The following SDK1 variants were observed in gnomAD, a reference collection of about 807,000 sequenced individuals.
SDK1 encodes sidekick cell adhesion molecule 1.
A neutral mutation model predicts 245.5 loss-of-function variants in SDK1; 157 were observed. That is an observed-to-expected ratio of 0.64 (90% CI 0.56 to 0.73). SDK1 has a LOEUF of 0.73. Among genes scored for constraint, SDK1 ranks in the 30% least tolerant of loss-of-function variants. The pLI is 0.00. For synonymous variants in SDK1, 1,647 were observed against 1,278.5 expected, an observed-to-expected ratio of 1.29 and a Z score of -6.15; for missense variants, 3,583 against 3,002.3, an observed-to-expected ratio of 1.19 and a Z score of -4.52.
intron 1 of SDK1, among the ~76,000 whole-genome samples, chr7:3,349,768 T>C (rs956413551): frequency 1.7e-5 from 1 of 58,042 alleles, no homozygotes; most frequent in African/African-American, 8.2e-5. Flanking sequence ...CCTGGTTAAT[T>C]TTTTTTTGTA....
At chr7:3,428,157 C>T (rs776215119) in intron 1 of SDK1, among the ~76,000 whole-genome samples, 3 of 152,176 alleles carry the variant, frequency 2.0e-5, no homozygotes, top group African/African-American at 7.2e-5. Flanking sequence ...CAATCACTGA[C>T]AGGCTTTGAA....
chr7:3,922,659 A>G (rs1477118634), intron 5 of SDK1, among the ~76,000 whole-genome samples: 1 of 152,142 alleles, frequency 6.6e-6, no homozygotes, highest in Non-Finnish European at 1.5e-5. Flanking sequence ...TTAGATTGAT[A>G]TGTTGTTTTA....
chr7:3,716,982 T>C (rs1332655269), intron 4 of SDK1, among the ~76,000 whole-genome samples: 2 of 152,108 alleles, frequency 1.3e-5, no homozygotes, highest in Non-Finnish European at 2.9e-5. Context: ...AAATTATATT[T>C]GAAGTTTGAA....
intron 5 of SDK1, among the ~76,000 whole-genome samples, chr7:3,892,748 C>T (rs1244533542): frequency 6.6e-6 from 1 of 152,210 alleles, no homozygotes; most frequent in East Asian, 1.9e-4. Context: ...TCCAGGTGGA[C>T]ATCCAGCTAT....
In SDK1 at chr7:4,101,895, A is replaced by G. The variant is rs540977257; in HGVS notation, c.3325-8768A>G. 5.3e-5 allele frequency among the ~76,000 whole-genome samples: 8 copies of G among 152,210 alleles called. No homozygotes were observed. In the East Asian group the frequency reaches 1.4e-3, roughly 26 times the overall value. On this transcript the variant is annotated intron_variant, in intron 22 of 44. Transcript: ENST00000404826. ...GGGTCAGAGAAAGGGCCAGATGGGG[A>G]GTGGAGGGAGATCGAGAGAGCCAGC...
At chr7:4,086,848 G>A (rs1037128808) in intron 22 of SDK1, among the ~76,000 whole-genome samples, 1 of 152,128 alleles carries the variant, frequency 6.6e-6, no homozygotes, top group Non-Finnish European at 1.5e-5. Context: ...CTAGTTTTCA[G>A]CCTTTTGCAT....
At chr7:3,586,618 T>C (rs1487501698) in intron 1 of SDK1, among the ~76,000 whole-genome samples, 3 of 144,604 alleles carry the variant, frequency 2.1e-5, no homozygotes, top group Non-Finnish European at 4.5e-5. Flanking sequence ...GGCAGGAGAA[T>C]GGCATGAACC....
At chr7:3,328,719 A>T (rs972407030) in intron 1 of SDK1, among the ~76,000 whole-genome samples, 1 of 152,050 alleles carries the variant, frequency 6.6e-6, no homozygotes, top group African/African-American at 2.4e-5. Context: ...TCTTTTACTT[A>T]TGTGCCTTAG....
In SDK1 at chr7:3,584,630, T is replaced by C. The variant is rs745495487; in HGVS notation, c.299-34450T>C. ...GGTATGCTGGCTTCTGAGAGAACTTTCCAGAGAAGTCGCACGTGCTTGGGC... is the reference window on the plus strand; with the variant it reads ...GGTATGCTGGCTTCTGAGAGAACTTCCCAGAGAAGTCGCACGTGCTTGGGC... On this transcript the variant is annotated intron_variant, in intron 1 of 44. Transcript: ENST00000404826. 4.6e-5 allele frequency among the ~76,000 whole-genome samples: 7 copies of C among 152,132 alleles called. No individual in the cohort carries two copies. In the South Asian group the frequency reaches 8.3e-4, roughly 18 times the overall value.
intron 1 of SDK1, among the ~76,000 whole-genome samples, chr7:3,557,895 A>G (rs1398614554): frequency 1.3e-5 from 2 of 152,216 alleles, no homozygotes; most frequent in Non-Finnish European, 2.9e-5. Context: ...GTAGTTTTAC[A>G]TGATCACATG....
rs1053651885 is a variant in SDK1 at position 3,316,904 on chromosome 7, G to A, written c.298+15020G>A. Among the ~76,000 whole-genome samples the A allele has an allele frequency of 7.8e-4, 119 of 152,204 alleles. 2 individuals carry two copies. Among genetic ancestry groups the A allele is most frequent in the African/African-American group, 2.8e-3 (115 of 41,522 alleles). On this transcript the variant is annotated intron_variant, in intron 1 of 44. Transcript: ENST00000404826. ...TTTTAAAAAGGGTCTGGGGGTCTGG[G>A]TACTGTGGCTCATGCCTATAATTTT...
chr7:3,371,042 GC>G, intron 1 of SDK1, among the ~76,000 whole-genome samples: 1 of 152,302 alleles, frequency 6.6e-6, no homozygotes, highest in East Asian at 1.9e-4. Context: ...CGGAGGAAGA[GC>G]CGTGCATCCC....
chr7:3,448,232 G>T (rs543353455), intron 1 of SDK1, among the ~76,000 whole-genome samples: 5 of 152,046 alleles, frequency 3.3e-5, no homozygotes, highest in African/African-American at 1.2e-4. Flanking sequence ...CTGCTATCTC[G>T]TTGCTTTAAG....
intron 43 of SDK1, among the ~76,000 whole-genome samples, chr7:4,242,361 C>T (rs1342650486): frequency 2.0e-5 from 3 of 152,142 alleles, no homozygotes; most frequent in Admixed American, 2.0e-4. Flanking sequence ...TGCCGATACA[C>T]ATTGCCATTC....
At chr7:4,123,905 G>A (rs1029917511) in intron 25 of SDK1, among the ~76,000 whole-genome samples, 1 of 152,226 alleles carries the variant, frequency 6.6e-6, no homozygotes, top group African/African-American at 2.4e-5. Flanking sequence ...GGGCTCTCAG[G>A]ATCAGGGAGC....
intron 4 of SDK1, among the ~76,000 whole-genome samples, chr7:3,788,614 T>C (rs1583414480): frequency 1.3e-5 from 2 of 152,252 alleles, no homozygotes; most frequent in East Asian, 3.9e-4. Context: ...GGAAAAAGAA[T>C]TGTCTTGGGC....
chr7:4,174,769 T>C (rs1350907555), intron 33 of SDK1, among the ~76,000 whole-genome samples: 1 of 152,096 alleles, frequency 6.6e-6, no homozygotes, highest in African/African-American at 2.4e-5. Flanking sequence ...CCCATGGTGC[T>C]CACCCCCGGG....
chr7:3,937,667 A>G (rs1231186218), intron 5 of SDK1, among the ~76,000 whole-genome samples: 1 of 152,212 alleles, frequency 6.6e-6, no homozygotes, highest in Non-Finnish European at 1.5e-5. Context: ...GCTTTGTGCC[A>G]GGGAGCTCCT....
At chr7:3,542,519 T>C (rs1037268668) in intron 1 of SDK1, among the ~76,000 whole-genome samples, 1 of 152,208 alleles carries the variant, frequency 6.6e-6, no homozygotes, top group African/African-American at 2.4e-5. Context: ...GTGCCAAGCA[T>C]AGGATCATGC....
Sources: gnomAD v4.1 joint callset for allele counts (sites outside exome capture counted in the v4.1 genomes callset) on GRCh38, gnomAD v4.1.1 for gene constraint, MANE v1.5 for transcripts, NCBI Gene and HGNC (gene_info 2026-07-23, HGNC 2026-07-21) for gene names.